UBR2: variants seen among roughly 807,000 people sequenced by gnomAD.
UBR2 encodes the protein E3 ubiquitin-protein ligase UBR2.
A neutral mutation model predicts 247.9 loss-of-function variants in UBR2; 92 were observed. That is an observed-to-expected ratio of 0.37 (90% confidence interval 0.31 to 0.44). The LOEUF (loss-of-function observed/expected upper bound fraction) is 0.44, where lower values mean the gene tolerates loss of function less well. Among genes scored for constraint, UBR2 ranks in the 20% least tolerant of loss-of-function variants. UBR2 has a pLI of 1.00. For synonymous variants in UBR2, 672 were observed against 693.5 expected (o/e 0.97, Z 0.49); for missense variants, 1,613 against 2,112.6 (o/e 0.76, Z 4.64).
intron 14 of UBR2, among the ~76,000 whole-genome samples, chr6:42,636,202 A>G (rs1175169998): frequency 7.3e-6 from 1 of 137,116 alleles, no homozygotes; most frequent in African/African-American, 2.7e-5. Flanking sequence ...TTTTTGAGAC[A>G]CAGCTTACTC....
At chr6:42,639,430 T>C (rs1796291089) in intron 15 of UBR2, among the ~76,000 whole-genome samples, 1 of 152,108 alleles carries the variant, frequency 6.6e-6, no homozygotes, top group Non-Finnish European at 1.5e-5. Flanking sequence ...CCGTCTCTAC[T>C]AAAAATAAAA....
chr6:42,684,980 T>A, intron 44 of UBR2, 109 bp downstream of exon 44: 1 of 894,768 alleles, frequency 1.1e-6, no homozygotes. Context: ...AAATCATATC[T>A]GTAGTCCTTT....
In UBR2 at chr6:42,672,429, A is replaced by G. The variant is rs146550005; in HGVS notation, c.4087-1362A>G. 2.0e-5 allele frequency among the ~76,000 whole-genome samples: 3 copies of G among 152,082 alleles called. No homozygotes were observed. The South Asian group carries it at 6.2e-4, about 32-fold the overall frequency. On this transcript the variant is annotated intron_variant, in intron 36 of 46. Transcript: ENST00000372901. ...TCTTCTACTTGTTTGGTTCAGCCCC[A>G]TATTATTTCTTGCCTAGATTATCAT...
At chr6:42,643,885 T>C (rs1349575975) in intron 18 of UBR2, among the ~76,000 whole-genome samples, 1 of 152,146 alleles carries the variant, frequency 6.6e-6, no homozygotes, top group African/African-American at 2.4e-5. Flanking sequence ...AATAAAATTT[T>C]GGCACTGAAT....
rs188476651 is a variant in UBR2 at position 42,643,767 on chromosome 6, G to T, written c.2098-447G>T. Among the ~76,000 whole-genome samples, 1,393 of 151,990 alleles carry T rather than the reference G, an allele frequency of 9.2e-3. 18 individuals carry two copies. The highest frequency in any genetic ancestry group is 0.016 in the Non-Finnish European group (1,059 of 67,986). The stretch of plus-strand genomic sequence containing the variant: ...GTATAATGCTTGCCAGAAAAAAATA[G>T]GTTAGGAGATCTTGATAATAGTTTA... On this transcript the variant is annotated intron_variant, in intron 18 of 46. Transcript: ENST00000372901.
intron 21 of UBR2, among the ~76,000 whole-genome samples, chr6:42,647,552 T>G (rs1796847810): frequency 6.6e-6 from 1 of 151,892 alleles, no homozygotes; most frequent in South Asian, 2.1e-4. Flanking sequence ...GCCAAGATCA[T>G]GCCATTGCAC....
Position 42,614,406 on chromosome 6 carries a change from ATGTATG to A in UBR2, c.986-663_986-658del, listed in dbSNP as rs1390570038. 5.6e-4 allele frequency among the ~76,000 whole-genome samples: 28 copies of A among 49,830 alleles called. 1 individual carries two copies. Among genetic ancestry groups the A allele is most frequent in the African/African-American group, 1.8e-3 (27 of 15,310 alleles). The allele number at this position is 49,830 out of a possible 152,430, so 32.7% of individuals were successfully genotyped here. On this transcript the variant is annotated intron_variant, in intron 8 of 46. Transcript: ENST00000372901. ...TATGTATGTACGTACATACATACGT[ATGTATG>A]TACGTACGTACATATATATGTATGT...
intron 8 of UBR2, among the ~76,000 whole-genome samples, chr6:42,614,332 A>G (rs867476336): frequency 1.9e-4 from 15 of 78,450 alleles, no homozygotes; most frequent in African/African-American, 2.9e-4. Flanking sequence ...ATATGTGTAT[A>G]TGTGTATGTG....
intron 10 of UBR2, among the ~76,000 whole-genome samples, chr6:42,616,417 A>G (rs977422417): frequency 6.6e-6 from 1 of 152,036 alleles, no homozygotes; most frequent in African/African-American, 2.4e-5. Context: ...CTCAGTTTAA[A>G]TGACATATAT....
chr6:42,632,958 C>CTTTTTTTTTTTTTTTTTTT (rs34284200), intron 13 of UBR2, 54 bp downstream of exon 13: 8 of 610,574 alleles, frequency 1.3e-5, no homozygotes, highest in African/African-American at 7.6e-5. Flanking sequence ...TCTCTTTTCT[C>CTTTTTTTTTTTTTTTTTTT]TTTTTTTTTT....
At chr6:42,625,038 C>A (rs946418082) in intron 11 of UBR2, among the ~76,000 whole-genome samples, 4 of 151,990 alleles carry the variant, frequency 2.6e-5, no homozygotes, top group Non-Finnish European at 5.9e-5. Flanking sequence ...TGGCCTACAC[C>A]CCAGAATGAC....
chr6:42,591,025 G>A (rs567017633), intron 2 of UBR2, among the ~76,000 whole-genome samples: 101 of 152,342 alleles, frequency 6.6e-4, no homozygotes, highest in South Asian at 1.4e-3. Flanking sequence ...GCCAAGGCAG[G>A]CAGATCACTT....
chr6:42,571,393 A>T (rs1393279211), intron 1 of UBR2, among the ~76,000 whole-genome samples: 2 of 151,830 alleles, frequency 1.3e-5, no homozygotes, highest in Non-Finnish European at 2.9e-5. Context: ...AATATGTTGT[A>T]AAAAAAAGTC....
chr6:42,652,111 T>G (rs1797154060), intron 24 of UBR2, 40 bp downstream of exon 24: 1 of 1,545,794 alleles, frequency 6.5e-7, no homozygotes, highest in East Asian at 2.3e-5. Context: ...CCCATCTTTT[T>G]TGCTTGTTAA....
At chr6:42,666,818 A>G (rs559191079) in intron 34 of UBR2, among the ~76,000 whole-genome samples, 2 of 152,320 alleles carry the variant, frequency 1.3e-5, no homozygotes, top group South Asian at 4.1e-4. Context: ...AGTTAGTTAC[A>G]AGGTATAGCA....
chr6:42,596,500 G>T lies in UBR2; in HGVS notation c.531+2196G>T, dbSNP rs759900205. ...ACCTAGATATATACCCAAAAGAACT[G>T]AAAACCGAAGTTGAGCAAGTACATG... On this transcript the variant is annotated intron_variant, in intron 4 of 46. Transcript: ENST00000372901. Among the ~76,000 whole-genome samples the T allele has an allele frequency of 9.2e-4, 140 of 152,034 alleles. 1 individual carries two copies. The highest frequency in any genetic ancestry group is 6.3e-3 in the Middle Eastern group (2 of 316).
chr6:42,614,935 T>C (rs964433524), intron 8 of UBR2, 136 bp from the exon 9 acceptor site: 34 of 615,446 alleles, frequency 5.5e-5, no homozygotes, highest in Non-Finnish European at 8.8e-5. Context: ...ACAGTTAATA[T>C]GTTTGCCTTT....
chr6:42,620,478 G>GTTTTTT (rs1358769362), intron 11 of UBR2: 4 of 100,956 alleles, frequency 4.0e-5, no homozygotes, highest in South Asian at 3.1e-4. Flanking sequence ...AATATTAAGT[G>GTTTTTT]TTGTTTTTTT....
intron 25 of UBR2, among the ~76,000 whole-genome samples, chr6:42,655,216 G>A (rs939986681): frequency 3.3e-5 from 5 of 151,970 alleles, no homozygotes; most frequent in Admixed American, 1.3e-4. Context: ...GGTGGCTCAC[G>A]CCTTTAATCC....
Sources: allele counts gnomAD v4.1 joint callset (sites outside exome capture counted in the v4.1 genomes callset), GRCh38; gene constraint gnomAD v4.1.1; transcripts MANE v1.5; gene names NCBI Gene and HGNC (gene_info 2026-07-23, HGNC 2026-07-21).